PCDHGA11: variants seen among roughly 807,000 people sequenced by gnomAD.
PCDHGA11 encodes protocadherin gamma subfamily A, 11, also known as protocadherin gamma-A11.
Under a neutral mutation model 60.4 loss-of-function variants are expected in PCDHGA11, and 39 were observed. The ratio of observed to expected loss-of-function variants is 0.65; its 90% CI spans 0.50 to 0.84. The LOEUF (loss-of-function observed/expected upper bound fraction) is 0.84, where lower values mean the gene tolerates loss of function less well. Among genes scored for constraint, PCDHGA11 ranks in the 40% least tolerant of loss-of-function variants. The pLI is 0.00. For synonymous variants in PCDHGA11, 533 were observed against 510.3 expected (o/e 1.04, Z -0.60); for missense variants, 1,165 against 1,197.7 (o/e 0.97, Z 0.40).
rs781498853 is a variant in PCDHGA11, at chr5:141,421,710, A to G, written c.483A>G (p.Pro161=). Residue 161 remains proline (P), a synonymous_variant, in exon 1 of 4, where the codon CCA becomes CCG. Transcript: ENST00000398587. ...TTGCTCTTCCTAATGCTAGGGATCCAGATGTGGGCGTGAACTCCCTCCAGA... is the reference window on the plus strand; with the variant it reads ...TTGCTCTTCCTAATGCTAGGGATCCGGATGTGGGCGTGAACTCCCTCCAGA... ...ARFALPNARD[P]DVGVNSLQSY... The G allele has an allele frequency of 1.2e-6, 2 of 1,613,940 alleles. No homozygotes were observed. Among genetic ancestry groups the G allele is most frequent in the South Asian group, 2.2e-5 (2 of 91,080 alleles).
At chr5:141,482,033 C>G (rs1185284483) in intron 1 of PCDHGA11, among the ~76,000 whole-genome samples, 1 of 149,194 alleles carries the variant, frequency 6.7e-6, no homozygotes, top group African/African-American at 2.5e-5. Flanking sequence ...TGCAGTGAGC[C>G]AAGATCATGC....
chr5:141,492,557 G>A (rs2154587614), intron 1 of PCDHGA11, among the ~76,000 whole-genome samples: 1 of 152,350 alleles, frequency 6.6e-6, no homozygotes, highest in East Asian at 1.9e-4. Flanking sequence ...TCGCCTGGGG[G>A]GCGGCCTGAG....
At chr5:141,450,829 A>ATT (rs373424450) in intron 1 of PCDHGA11, among the ~76,000 whole-genome samples, 8,685 of 135,030 alleles carry the variant, frequency 0.064, 328 homozygotes, top group South Asian at 0.088. Context: ...TATTATTATT[A>ATT]TTTTTTTTTT....
In PCDHGA11 at chr5:141,423,147, G is replaced by A. The variant is rs545052756; in HGVS notation, c.1920G>A (p.Lys640=). Residue 640 remains lysine, a synonymous_variant, in exon 1 of 4, where the codon AAG becomes AAA. Transcript: ENST00000398587. ...ARALLDRDAL[K]QSLVVAVQDH... Reference sequence around the variant, plus strand: ...CACTGCTGGACAGAGACGCGCTCAAGCAGAGCCTCGTGGTGGCCGTCCAGG... The same window carrying A: ...CACTGCTGGACAGAGACGCGCTCAAACAGAGCCTCGTGGTGGCCGTCCAGG... The A allele has an allele frequency of 2.5e-6, 4 of 1,613,578 alleles. No individual in the cohort carries two copies. The highest frequency in any genetic ancestry group is 2.7e-5 in the African/African-American group (2 of 75,078).
rs537684458 is a variant in PCDHGA11, at chr5:141,431,679, T to G, written c.2433+8019T>G. The G allele has an allele frequency of 1.5e-5, 24 of 1,614,222 alleles. No individual in the cohort carries two copies. The highest frequency in any genetic ancestry group is 3.3e-5 in the Admixed American group (2 of 60,028). On this transcript the variant is annotated intron_variant, in intron 1 of 3. Coordinates refer to ENST00000398587, the MANE Select transcript of PCDHGA11 (RefSeq NM_018914.3). The surrounding 1 kb of genome is among the most constrained non-coding windows in gnomAD (Gnocchi z 4.8). ...GGGACAATATCAACAATAGGGGAGT[T>G]GGACCACGAGGAGTCAGGATTCTAC...
chr5:141,485,221 C>G lies in PCDHGA11; in HGVS notation c.2434-9586C>G. ...GGACAGAAATCTGGCGGTGGGCTACCCTTTTGTTCCTCTTTTACCACCTGG... is the reference window on the plus strand; with the variant it reads ...GGACAGAAATCTGGCGGTGGGCTACGCTTTTGTTCCTCTTTTACCACCTGG... On this transcript the variant is annotated intron_variant, in intron 1 of 3. Transcript: ENST00000398587. The surrounding 1 kb of genome is among the most constrained non-coding windows in gnomAD (Gnocchi z 5.7). The G allele has an allele frequency of 6.2e-7, 1 of 1,614,118 alleles. No individual in the cohort carries two copies. Among genetic ancestry groups the G allele is most frequent in the Non-Finnish European group, 8.5e-7 (1 of 1,180,010 alleles).
intron 1 of PCDHGA11, among the ~76,000 whole-genome samples, chr5:141,454,836 C>T (rs1201514890): frequency 1.3e-4 from 11 of 85,100 alleles, no homozygotes; most frequent in African/African-American, 2.1e-4. Context: ...GAGACAGAGT[C>T]GCGCTCTGTC....
At chr5:141,448,782 T>C (rs2098606045) in intron 1 of PCDHGA11, among the ~76,000 whole-genome samples, 1 of 148,758 alleles carries the variant, frequency 6.7e-6, no homozygotes, top group Non-Finnish European at 1.5e-5. Flanking sequence ...GTACTAAAAA[T>C]ACAAAAAAAA....
At position 141,491,952 on chromosome 5, in the gene PCDHGA11, C is replaced by A; in HGVS notation, c.2434-2855C>A. 9.4e-7 allele frequency: 1 copy of A among 1,062,954 alleles called. No homozygotes were observed. The allele number at this position is 1,062,954 out of a possible 1,614,324, so 65.8% of individuals were successfully genotyped here. On this transcript the variant is annotated intron_variant, in intron 1 of 3. Coordinates refer to ENST00000398587, the MANE Select transcript of PCDHGA11 (RefSeq NM_018914.3). The surrounding 1 kb of genome is among the most constrained non-coding windows in gnomAD (Gnocchi z 6.9). ...GGTGGGACCGACCCCCACCCCTACA[C>A]TCAAAAAAGGCCGGGGCCTCCTTCG...
In PCDHGA11 at chr5:141,476,574, G is replaced by C. The variant is rs746783993; in HGVS notation, c.2434-18233G>C. The C allele has an allele frequency of 1.1e-5, 18 of 1,614,084 alleles. No homozygotes were observed. The Admixed American group carries it at 1.8e-4, about 16-fold the overall frequency. On this transcript the variant is annotated intron_variant, in intron 1 of 3. Coordinates refer to ENST00000398587, the MANE Select transcript of PCDHGA11 (RefSeq NM_018914.3). The surrounding 1 kb of genome is among the most constrained non-coding windows in gnomAD (Gnocchi z 7.6). ...AGCGAGGCCGTGGCTCCGGGGACGC[G>C]CTTTCCGCTCGAGAGCGCGCACGAT...
rs980122657 is a variant in PCDHGA11, at chr5:141,511,379, C to G, written c.*206C>G. The G allele has an allele frequency of 2.9e-5, 34 of 1,169,842 alleles. No individual in the cohort carries two copies. The highest frequency in any genetic ancestry group is 3.9e-5 in the Non-Finnish European group (33 of 853,834). The allele number at this position is 1,169,842 out of a possible 1,614,324, so 72.5% of individuals were successfully genotyped here. ...GGGGGTTGAATATGCAAAAGCAGTT[C>G]CGCTGGGAACCCCCATCCAATCAAC... On this transcript the variant is annotated 3_prime_UTR_variant, in exon 4 of 4. Transcript: ENST00000398587.
chr5:141,474,208 A>C (rs1243312558), intron 1 of PCDHGA11, among the ~76,000 whole-genome samples: 1 of 152,242 alleles, frequency 6.6e-6, no homozygotes, highest in Non-Finnish European at 1.5e-5. Context: ...TGATTTTCAA[A>C]AACCAGATTG....
intron 1 of PCDHGA11, chr5:141,478,160 GC>G (rs764598056): frequency 1.9e-6 from 3 of 1,613,964 alleles, no homozygotes; most frequent in Non-Finnish European, 2.5e-6. Flanking sequence ...CTCTGGCTCT[GC>G]CCCCCGGGAG....
rs748115530 is a variant in PCDHGA11 at position 141,489,429 on chromosome 5, G to C, written c.2434-5378G>C. 5 of 1,614,022 alleles carry C rather than the reference G, an allele frequency of 3.1e-6. No individual in the cohort carries two copies. The East Asian group carries it at 8.9e-5, about 29-fold the overall frequency. ...AGATGACAGATCTGTTGAGCCGGCG[G>C]CTGCAATTGGGCTCTGAGGAGAATG... On this transcript the variant is annotated intron_variant, in intron 1 of 3. Transcript: ENST00000398587. The surrounding 1 kb of genome is among the most constrained non-coding windows in gnomAD (Gnocchi z 4.5).
chr5:141,449,588 C>CAAA (rs768743917), intron 1 of PCDHGA11, among the ~76,000 whole-genome samples: 1 of 57,476 alleles, frequency 1.7e-5, no homozygotes, highest in East Asian at 5.2e-4. Context: ...GACTCTGTCT[C>CAAA]AAAAAAAAAA....
intron 1 of PCDHGA11, among the ~76,000 whole-genome samples, chr5:141,472,980 C>CAAAAAAAAAAAAAAAAGAAAAAAA (rs2099308501): frequency 2.3e-5 from 2 of 86,104 alleles, no homozygotes; most frequent in African/African-American, 7.8e-5. Flanking sequence ...GAGTGAAACT[C>CAAAAAAAAAAAAAAAAGAAAAAAA]AAAAAAAAAA....
In PCDHGA11 at chr5:141,487,192, C is replaced by T. The variant is rs2099641028; in HGVS notation, c.2434-7615C>T. ...TAGAGGAAGACACTCATCCAGTTGT[C>T]CCAGATCTTCGAGAATCTTCAGCTC... On this transcript the variant is annotated intron_variant, in intron 1 of 3. Transcript: ENST00000398587. This position sits in a 1 kb window ranked among gnomAD's most constrained non-coding sequence, Gnocchi z 5.0. 15 of 1,613,748 alleles carry T rather than the reference C, an allele frequency of 9.3e-6. No individual in the cohort carries two copies. Among genetic ancestry groups the T allele is most frequent in the African/African-American group, 1.3e-5 (1 of 75,040 alleles).
At position 141,493,887 on chromosome 5, in the gene PCDHGA11, G is replaced by C. The variant is rs760575047; in HGVS notation, c.2434-920G>C. On this transcript the variant is annotated intron_variant, in intron 1 of 3. Transcript: ENST00000398587. This position sits in a 1 kb window ranked among gnomAD's most constrained non-coding sequence, Gnocchi z 4.3. Reference sequence around the variant, plus strand: ...AGAACCAGTGAGGAGGTGGCTCTAGGAGTGCTCCATGAGAGTGTGTGATGG... The same window carrying C: ...AGAACCAGTGAGGAGGTGGCTCTAGCAGTGCTCCATGAGAGTGTGTGATGG... Among the ~76,000 whole-genome samples, 11 of 152,184 alleles carry C rather than the reference G, an allele frequency of 7.2e-5. No homozygotes were observed. Among genetic ancestry groups the C allele is most frequent in the Non-Finnish European group, 1.2e-4 (8 of 68,026 alleles).
intron 1 of PCDHGA11, among the ~76,000 whole-genome samples, chr5:141,459,376 G>A (rs72790056): frequency 0.022 from 3,347 of 152,266 alleles, 53 homozygotes; most frequent in South Asian, 0.04. Flanking sequence ...TATCAGCAGC[G>A]TGTTCCATTT....
Sources: gnomAD v4.1 joint callset for allele counts (sites outside exome capture counted in the v4.1 genomes callset) on GRCh38, gnomAD v4.1.1 for gene constraint, Gnocchi (gnomAD v3.1) non-coding constraint, MANE v1.5 for transcripts, NCBI Gene and HGNC (gene_info 2026-07-23, HGNC 2026-07-21) for gene names.